COLEC10: variants seen among roughly 807,000 people sequenced by gnomAD.
COLEC10 encodes collectin subfamily member 10, also known as collectin-10.
Under a neutral mutation model 28.4 loss-of-function variants are expected in COLEC10, and 22 were observed. That is an observed-to-expected ratio of 0.78 (90% CI 0.55 to 1.11). The LOEUF (loss-of-function observed/expected upper bound fraction) is 1.11. Among genes scored for constraint, COLEC10 ranks in the 50% least tolerant of loss-of-function variants. The pLI is 0.00. For synonymous variants in COLEC10, 125 were observed against 116.1 expected (o/e 1.08, Z -0.49); for missense variants, 361 against 344.1 (o/e 1.05, Z -0.39).
intron 2 of COLEC10, among the ~76,000 whole-genome samples, chr8:119,010,544 A>G (rs1813885943): frequency 6.6e-6 from 1 of 150,942 alleles, no homozygotes; most frequent in South Asian, 2.1e-4. Flanking sequence ...ACTAGATTTT[A>G]TGGTAAGAGT....
the COLEC10 span, among the ~76,000 whole-genome samples, chr8:118,974,315 G>A: frequency 6.6e-6 from 1 of 151,978 alleles, no homozygotes; most frequent in South Asian, 2.1e-4. Context: ...AAAATACAGA[G>A]GAAGTATGAT....
At chr8:118,972,872 C>T in the COLEC10 span, among the ~76,000 whole-genome samples, 3 of 151,956 alleles carry the variant, frequency 2.0e-5, no homozygotes, top group Non-Finnish European at 2.9e-5. Flanking sequence ...AGAGAGGCCT[C>T]AAGAAACTTA....
intron 2 of COLEC10, among the ~76,000 whole-genome samples, chr8:119,051,623 T>C (rs991703696): frequency 2.0e-5 from 3 of 152,138 alleles, no homozygotes; most frequent in African/African-American, 7.2e-5. Flanking sequence ...ACGCAGTAGA[T>C]AAAAGATTGT....
At chr8:119,071,962 G>A (rs1217561475) in intron 1 of COLEC10, among the ~76,000 whole-genome samples, 1 of 152,168 alleles carries the variant, frequency 6.6e-6, no homozygotes, top group Non-Finnish European at 1.5e-5. Context: ...CATGGCCATT[G>A]TGCCACTTCT....
At chr8:119,023,230 A>G (rs1814129409) in intron 2 of COLEC10, among the ~76,000 whole-genome samples, 1 of 152,100 alleles carries the variant, frequency 6.6e-6, no homozygotes, top group Non-Finnish European at 1.5e-5. Flanking sequence ...CACAAAATTT[A>G]CTTATTTATT....
chr8:118,990,989 A>G (rs1303277130), upstream of COLEC10, among the ~76,000 whole-genome samples: 2 of 152,186 alleles, frequency 1.3e-5, no homozygotes, highest in East Asian at 1.9e-4. Flanking sequence ...ACAAAACACC[A>G]TAATGCTGTT....
intron 1 of COLEC10, among the ~76,000 whole-genome samples, chr8:119,000,403 C>T (rs150406639): frequency 2.0e-5 from 3 of 152,134 alleles, no homozygotes; most frequent in Non-Finnish European, 4.4e-5. Context: ...AAGTGCCCAT[C>T]AGCACAGTTG....
the COLEC10 span, among the ~76,000 whole-genome samples, chr8:118,984,523 G>C: frequency 6.6e-6 from 1 of 152,048 alleles, no homozygotes; most frequent in Non-Finnish European, 1.5e-5. Context: ...AAATGAAGAA[G>C]AGGCCATTCT....
chr8:118,994,992 G>GA (rs550821304), upstream of COLEC10, among the ~76,000 whole-genome samples: 32 of 151,544 alleles, frequency 2.1e-4, no homozygotes, highest in South Asian at 8.3e-4. Context: ...GGCAAAAGGG[G>GA]AAAAAAAGGA....
the COLEC10 span, among the ~76,000 whole-genome samples, chr8:118,953,641 G>A: frequency 1.3e-3 from 194 of 152,186 alleles, no homozygotes; most frequent in African/African-American, 4.3e-3. Flanking sequence ...AAATGGGAGC[G>A]TTTAAAAAAC....
upstream of COLEC10, among the ~76,000 whole-genome samples, chr8:118,990,585 A>G (rs1308440669): frequency 6.6e-6 from 1 of 152,228 alleles, no homozygotes; most frequent in African/African-American, 2.4e-5. Flanking sequence ...GTGAGGGGAT[A>G]GAGCTTCAAA....
chr8:118,971,500 A>G, the COLEC10 span, among the ~76,000 whole-genome samples: 1 of 152,004 alleles, frequency 6.6e-6, no homozygotes, highest in Non-Finnish European at 1.5e-5. Flanking sequence ...TAACGGGAAC[A>G]TGAGTGATAA....
rs550362774 is a variant in COLEC10, at chr8:118,996,842, C to T, written n.122+1269C>T. ...TGGTAGTAGGTAAAGTGGGAGCAGG[C>T]GTGTCATGACAAGAGCAGAGCAAGA... On this transcript the variant is annotated intron_variant and non_coding_transcript_variant, in intron 1 of 6. Coordinates refer to the COLEC10 transcript ENST00000521788. 2.0e-3 allele frequency among the ~76,000 whole-genome samples: 307 copies of T among 152,230 alleles called. 1 individual carries two copies. Among genetic ancestry groups the T allele is most frequent in the African/African-American group, 6.6e-3 (276 of 41,542 alleles).
the COLEC10 span, among the ~76,000 whole-genome samples, chr8:118,965,750 C>T: frequency 6.6e-6 from 1 of 152,080 alleles, no homozygotes; most frequent in East Asian, 1.9e-4. Flanking sequence ...ATCTCATGTT[C>T]AGGACCTGGC....
chr8:119,091,595 G>GAAAGAAAGAA (rs1554629267), intron 3 of COLEC10, among the ~76,000 whole-genome samples: 2 of 138,576 alleles, frequency 1.4e-5, no homozygotes, highest in African/African-American at 2.8e-5. Context: ...GAGAGAGAGA[G>GAAAGAAAGAA]AGAAAGAAAG....
At chr8:119,068,276 T>C (rs1815014685) in intron 1 of COLEC10, 1 of 152,190 alleles carries the variant, frequency 6.6e-6, no homozygotes, top group African/African-American at 2.4e-5. Flanking sequence ...CATTGCCCCA[T>C]GCCTGTCAGT....
chr8:119,076,424 GCTAATTTT>G (rs1815238191), intron 1 of COLEC10, among the ~76,000 whole-genome samples: 7 of 151,950 alleles, frequency 4.6e-5, no homozygotes, highest in African/African-American at 1.7e-4. Flanking sequence ...ACCACATCCA[GCTAATTTT>G]TTGTATTTTT....
At chr8:119,086,722 A>G (rs994698726) in intron 1 of COLEC10, among the ~76,000 whole-genome samples, 3 of 152,260 alleles carry the variant, frequency 2.0e-5, no homozygotes, top group African/African-American at 4.8e-5. Context: ...AAGGAGAAAG[A>G]ATAATGGCAC....
intron 2 of COLEC10, among the ~76,000 whole-genome samples, chr8:119,033,253 A>G (rs886821116): frequency 2.0e-5 from 3 of 152,062 alleles, no homozygotes; most frequent in Admixed American, 2.0e-4. Context: ...CACTTTCTTC[A>G]GATAATTTTT....
Sources: gnomAD v4.1 joint callset for allele counts (sites outside exome capture counted in the v4.1 genomes callset) on GRCh38, gnomAD v4.1.1 for gene constraint, MANE v1.5 for transcripts, NCBI Gene and HGNC (gene_info 2026-07-23, HGNC 2026-07-21) for gene names.